The following KDM4C variants were observed in gnomAD, a reference collection of about 807,000 sequenced individuals.
KDM4C encodes the protein lysine demethylase 4C.
In KDM4C, 81 loss-of-function variants were observed where a neutral mutation model predicts 129.3. The ratio of observed to expected loss-of-function variants is 0.63; its 90% CI spans 0.52 to 0.75. KDM4C has a LOEUF of 0.75. Ranked by LOEUF, KDM4C falls within the 30% of genes least tolerant of loss-of-function variation. The pLI is 0.00. For missense variants in KDM4C, 1,457 were observed against 1,304.0 expected, an observed-to-expected ratio of 1.12 and a Z score of -1.81; for synonymous variants, 573 against 456.1, an observed-to-expected ratio of 1.26 and a Z score of -3.26.
chr9:6,866,843 C>A (rs936938999), intron 5 of KDM4C, among the ~76,000 whole-genome samples: 1 of 149,632 alleles, frequency 6.7e-6, no homozygotes, highest in African/African-American at 2.5e-5. Flanking sequence ...GGATCTGACT[C>A]CTCCTCATAT....
chr9:7,076,929 A>C (rs1833991057), intron 17 of KDM4C: 1 of 986,310 alleles, frequency 1.0e-6, no homozygotes. Flanking sequence ...TAGGAGTCTC[A>C]GAAGTTACAC....
chr9:6,956,427 GT>G (rs1829080658), intron 8 of KDM4C, among the ~76,000 whole-genome samples: 1 of 152,112 alleles, frequency 6.6e-6, no homozygotes, highest in African/African-American at 2.4e-5. Flanking sequence ...TGTAATGTGG[GT>G]GCGGACGAAG....
intron 6 of KDM4C, among the ~76,000 whole-genome samples, chr9:6,884,793 T>A (rs973366710): frequency 6.6e-6 from 1 of 152,210 alleles, no homozygotes; most frequent in Non-Finnish European, 1.5e-5. Context: ...TTTGGTGATT[T>A]AATACTATAG....
chr9:6,982,704 G>C (rs1266107115), intron 9 of KDM4C: 1 of 152,196 alleles, frequency 6.6e-6, no homozygotes, highest in African/African-American at 2.4e-5. Flanking sequence ...AACATCTTGA[G>C]CATTGTTCTG....
intron 12 of KDM4C, among the ~76,000 whole-genome samples, chr9:7,007,489 G>C (rs1422251898): frequency 1.3e-5 from 2 of 152,280 alleles, no homozygotes; most frequent in Middle Eastern, 3.4e-3. Flanking sequence ...GTTGACTCTT[G>C]TTTTCTTTTT....
At chr9:7,075,785 G>A (rs752239615) in intron 17 of KDM4C, among the ~76,000 whole-genome samples, 1 of 151,852 alleles carries the variant, frequency 6.6e-6, no homozygotes, top group Non-Finnish European at 1.5e-5. Context: ...CATCTCCTGG[G>A]CATACTCTTT....
At chr9:6,874,047 G>A (rs1051837924) in intron 5 of KDM4C, among the ~76,000 whole-genome samples, 4 of 151,708 alleles carry the variant, frequency 2.6e-5, no homozygotes, top group Non-Finnish European at 4.4e-5. Flanking sequence ...ATGGTTTGTG[G>A]TGCCCCCAAA....
At chr9:6,956,735 C>T (rs1026782880) in intron 8 of KDM4C, among the ~76,000 whole-genome samples, 10 of 152,208 alleles carry the variant, frequency 6.6e-5, no homozygotes, top group Admixed American at 4.6e-4. Context: ...TGACCAGGCC[C>T]AGGGACCTCA....
chr9:6,757,344 G>T (rs1818373494), upstream of KDM4C, among the ~76,000 whole-genome samples: 1 of 152,166 alleles, frequency 6.6e-6, no homozygotes, highest in African/African-American at 2.4e-5. Flanking sequence ...GGGCGGGTCG[G>T]GGCGGGACGT....
At chr9:6,831,130 G>T (rs142335395) in intron 4 of KDM4C, among the ~76,000 whole-genome samples, 1 of 152,296 alleles carries the variant, frequency 6.6e-6, no homozygotes, top group East Asian at 1.9e-4. Context: ...CCACTAGTCA[G>T]TGGGGGAAGC....
chr9:6,721,005 C>G, intron 1 of KDM4C: 5 of 1,550,582 alleles, frequency 3.2e-6, no homozygotes, highest in South Asian at 1.2e-5. Flanking sequence ...CAGGTGAGTG[C>G]TGCTCTGAAC....
chr9:7,076,122 C>T (rs1231574436), intron 17 of KDM4C, among the ~76,000 whole-genome samples: 3 of 152,116 alleles, frequency 2.0e-5, no homozygotes, highest in African/African-American at 7.2e-5. Context: ...ATTTCAGTCT[C>T]TTCTTTGCCA....
intron 1 of KDM4C, among the ~76,000 whole-genome samples, chr9:6,782,570 C>T (rs1563993550): frequency 6.6e-6 from 1 of 152,078 alleles, no homozygotes; most frequent in African/African-American, 2.4e-5. Context: ...ACACGTGACA[C>T]ATATGTCTAT....
intron 15 of KDM4C, among the ~76,000 whole-genome samples, chr9:7,036,834 A>G (rs571121975): frequency 8.9e-4 from 136 of 152,310 alleles, no homozygotes; most frequent in African/African-American, 3.1e-3. Flanking sequence ...CTCAGGGTCT[A>G]GAGCACATCA....
intron 18 of KDM4C, among the ~76,000 whole-genome samples, chr9:7,109,833 C>G (rs915136241): frequency 6.6e-6 from 1 of 152,128 alleles, no homozygotes; most frequent in Non-Finnish European, 1.5e-5. Flanking sequence ...TGTCCCCACC[C>G]AAAATCTCAT....
chr9:7,007,687 C>T (rs1821928366), intron 12 of KDM4C, among the ~76,000 whole-genome samples: 1 of 152,066 alleles, frequency 6.6e-6, no homozygotes, highest in African/African-American at 2.4e-5. Context: ...CTCAGGAAGC[C>T]TTATGTTCTT....
chr9:7,043,255 A>G (rs1464139572), intron 15 of KDM4C, among the ~76,000 whole-genome samples: 1 of 151,966 alleles, frequency 6.6e-6, no homozygotes, highest in East Asian at 1.9e-4. Flanking sequence ...AAGTTTAATG[A>G]CTCAGTGTCT....
intron 1 of KDM4C, among the ~76,000 whole-genome samples, chr9:6,785,339 C>T (rs914088477): frequency 3.0e-5 from 4 of 131,540 alleles, no homozygotes; most frequent in African/African-American, 5.9e-5. Context: ...TCTCCTCTTC[C>T]TCTTTTTTTT....
At chr9:6,963,976 C>T (rs1830463735) in intron 8 of KDM4C, among the ~76,000 whole-genome samples, 1 of 152,184 alleles carries the variant, frequency 6.6e-6, no homozygotes, top group Non-Finnish European at 1.5e-5. Flanking sequence ...CATTTGCAAG[C>T]TGTTGGAGCT....
Sources: gnomAD v4.1 joint callset for allele counts (sites outside exome capture counted in the v4.1 genomes callset) on GRCh38, gnomAD v4.1.1 for gene constraint, MANE v1.5 for transcripts, NCBI Gene and HGNC (gene_info 2026-07-23, HGNC 2026-07-21) for gene names.